The following SERINC5 variants were observed in gnomAD, a reference collection of about 807,000 sequenced individuals.
The protein encoded by SERINC5 is serine incorporator 5, also known as chromosome 5 open reading frame 12.
Under a neutral mutation model 63.1 loss-of-function variants are expected in SERINC5, and 41 were observed. The ratio of observed to expected loss-of-function variants is 0.65; its 90% confidence interval spans 0.51 to 0.84. The LOEUF is 0.84. Ranked by LOEUF, SERINC5 falls within the 40% of genes least tolerant of loss-of-function variation. The pLI, the probability that SERINC5 is intolerant of heterozygous loss-of-function variation, is 0.00. For missense variants in SERINC5, 523 were observed against 573.0 expected, an observed-to-expected ratio of 0.91 and a Z score of 0.89; for synonymous variants, 222 against 215.2, an observed-to-expected ratio of 1.03 and a Z score of -0.28.
intron 1 of SERINC5, among the ~76,000 whole-genome samples, chr5:80,216,798 T>C (rs7710267): frequency 0.19 from 28,607 of 151,808 alleles, 3,377 homozygotes; most frequent in African/African-American, 0.33. Flanking sequence ...ATCGCTTGAG[T>C]CCAGGAGTTT....
intron 6 of SERINC5, among the ~76,000 whole-genome samples, chr5:80,167,539 G>A (rs1747381567): frequency 6.6e-6 from 1 of 152,112 alleles, no homozygotes; most frequent in Non-Finnish European, 1.5e-5. Flanking sequence ...GTGAATGCCT[G>A]TGTCTTTATG....
In SERINC5 at chr5:80,158,976, A is replaced by C; in HGVS notation, c.860-14T>G. The stretch of plus-strand genomic sequence containing the variant: ...GTTCATCTAGAACTTGAAAAGAAAA[A>C]ACAAAGTCATCACAGTCAAGTACAA... On this transcript the variant is annotated splice_polypyrimidine_tract_variant and intron_variant, in intron 7 of 11. Transcript: ENST00000507668. The C allele has an allele frequency of 6.2e-7, 1 of 1,613,114 alleles. No individual in the cohort carries two copies. Among genetic ancestry groups the C allele is most frequent in the Non-Finnish European group, 8.5e-7 (1 of 1,179,728 alleles).
chr5:80,205,275 C>T (rs536577864), intron 1 of SERINC5, among the ~76,000 whole-genome samples: 6 of 152,346 alleles, frequency 3.9e-5, no homozygotes, highest in African/African-American at 1.4e-4. Context: ...ACTCCAACTT[C>T]ACCCTTGTGT....
intron 1 of SERINC5, among the ~76,000 whole-genome samples, chr5:80,218,279 G>A (rs1403882520): frequency 2.6e-5 from 4 of 152,190 alleles, no homozygotes; most frequent in Admixed American, 6.5e-5. Flanking sequence ...AGTGGCTCAC[G>A]CCTGTAATCC....
At chr5:80,187,376 C>T (rs994691119) in intron 2 of SERINC5, among the ~76,000 whole-genome samples, 3 of 152,118 alleles carry the variant, frequency 2.0e-5, no homozygotes, top group Admixed American at 6.6e-5. Flanking sequence ...CCCAGTCTGC[C>T]TTTCCCTTTT....
At position 80,141,500 on chromosome 5, in the gene SERINC5, C is replaced by CCT; in HGVS notation, c.*2162_*2163insAG. ...CACACCAGCTGGCAGCCAGACCCAG[C>CCT]CGAGAGGACAAAGCAAGGGCTCTGC... is the stretch of plus-strand genomic sequence containing the variant. On this transcript the variant is annotated 3_prime_UTR_variant, in exon 12 of 12. Transcript: ENST00000507668. 2 of 985,556 alleles carry CCT rather than the reference C, an allele frequency of 2.0e-6. No homozygotes were observed. Among genetic ancestry groups the CCT allele is most frequent in the Non-Finnish European group, 2.4e-6 (2 of 830,036 alleles). The allele number at this position is 985,556 out of a possible 1,614,324, so 61.1% of individuals were successfully genotyped here.
chr5:80,150,820 A>G lies in SERINC5; in HGVS notation c.1053+62T>C, dbSNP rs547757256. ...AGACTGATAAAGACACAAACACAAA[A>G]GGCCCTCCTGAGAAATGGATCTTCT... On this transcript the variant is annotated intron_variant, in intron 9 of 11. Transcript: ENST00000507668. The G allele has an allele frequency of 2.2e-5, 25 of 1,128,532 alleles. 1 individual carries two copies. The African/African-American group carries it at 3.7e-4, about 17-fold the overall frequency. 69.9% of individuals were successfully genotyped at this position (1,128,532 alleles called of 1,614,324 possible). A position where few individuals can be genotyped will look rare whatever the true frequency, so the allele number is the denominator to read the frequency against.
rs1047811885 is a variant in SERINC5 at position 80,140,667 on chromosome 5, A to G, written c.*2996T>C. The G allele has an allele frequency of 1.0e-6, 1 of 985,198 alleles. No homozygotes were observed. The highest frequency in any genetic ancestry group is 1.7e-5 in the African/African-American group (1 of 57,210). The allele number at this position is 985,198 out of a possible 1,614,324, so 61.0% of individuals were successfully genotyped here. A position where few individuals can be genotyped will look rare whatever the true frequency, so the allele number is the denominator to read the frequency against. On this transcript the variant is annotated 3_prime_UTR_variant, in exon 12 of 12. Transcript: ENST00000507668. ...GGGTTTCTGAAGGCTTATAATGGAA[A>G]TAGTCTCTAGTCTCCAGTCAGGTAA...
chr5:80,161,462 T>G (rs1452988174), intron 7 of SERINC5, among the ~76,000 whole-genome samples: 1 of 152,208 alleles, frequency 6.6e-6, no homozygotes, highest in Admixed American at 6.5e-5. Context: ...TGTTGAGCAT[T>G]TTTTTCAAAT....
intron 7 of SERINC5, among the ~76,000 whole-genome samples, chr5:80,161,040 A>G (rs1440316990): frequency 7.5e-6 from 1 of 132,556 alleles, no homozygotes; most frequent in African/African-American, 3.3e-5. Flanking sequence ...ACACGTGTAT[A>G]TATATATATG....
At chr5:80,204,986 G>A (rs35696683) in intron 1 of SERINC5, among the ~76,000 whole-genome samples, 20,172 of 152,190 alleles carry the variant, frequency 0.13, 1,834 homozygotes, top group Non-Finnish European at 0.19. Context: ...GCACATACAC[G>A]GTGGGCTCCG....
chr5:80,188,616 T>G (rs1294298302), intron 2 of SERINC5, among the ~76,000 whole-genome samples: 1 of 152,090 alleles, frequency 6.6e-6, no homozygotes, highest in Non-Finnish European at 1.5e-5. Context: ...CTGGGCCCAG[T>G]GGCCCACACC....
intron 2 of SERINC5, chr5:80,198,401 C>G: frequency 5.5e-6 from 2 of 364,836 alleles, no homozygotes; most frequent in South Asian, 1.1e-4. Flanking sequence ...TTGCAGTCCC[C>G]TCTTACTCAA....
rs1428149048 is a variant in SERINC5, at chr5:80,177,308, T to G, written c.457+7A>C. The stretch of plus-strand genomic sequence containing the variant: ...ATAAACAGATACCCAAAATACCCCA[T>G]TAGTACCGTTCAGAAAGGTGTCCTG... On this transcript the variant is annotated splice_region_variant and intron_variant, in intron 4 of 11. Coordinates refer to ENST00000507668, the MANE Select transcript of SERINC5 (RefSeq NM_001174072.3). 3 of 1,603,236 alleles carry G rather than the reference T, an allele frequency of 1.9e-6. No individual in the cohort carries two copies. The highest frequency in any genetic ancestry group is 2.6e-6 in the Non-Finnish European group (3 of 1,170,254).
intron 5 of SERINC5, among the ~76,000 whole-genome samples, chr5:80,170,237 A>T (rs892709619): frequency 2.6e-5 from 4 of 152,368 alleles, no homozygotes; most frequent in African/African-American, 9.6e-5. Context: ...GAAATGTAAC[A>T]GACTGCAATT....
At chr5:80,239,329 A>AT (rs1225643019) in intron 1 of SERINC5, among the ~76,000 whole-genome samples, 5 of 152,232 alleles carry the variant, frequency 3.3e-5, no homozygotes, top group Non-Finnish European at 5.9e-5. Flanking sequence ...CCTGACCATT[A>AT]TCCTTAAAAA....
At chr5:80,193,105 C>A (rs1037845482) in intron 2 of SERINC5, among the ~76,000 whole-genome samples, 6 of 152,184 alleles carry the variant, frequency 3.9e-5, no homozygotes, top group African/African-American at 1.4e-4. Flanking sequence ...TCGCCACTTG[C>A]ATCTGAAAGA....
At chr5:80,175,363 T>C (rs1357714263) in intron 4 of SERINC5, among the ~76,000 whole-genome samples, 1 of 152,136 alleles carries the variant, frequency 6.6e-6, no homozygotes, top group Non-Finnish European at 1.5e-5. Flanking sequence ...CCCTAATTCA[T>C]AAAATCCATA....
rs1554064063 is a variant in SERINC5 at position 80,174,404 on chromosome 5, A to ATAAT, written c.551+549_551+550insATTA. Among the ~76,000 whole-genome samples, 741 of 145,984 alleles carry ATAAT rather than the reference A, an allele frequency of 5.1e-3. 2 individuals are homozygous for ATAAT. Among genetic ancestry groups the ATAAT allele is most frequent in the Middle Eastern group, 0.011 (3 of 280 alleles). On this transcript the variant is annotated intron_variant, in intron 5 of 11. Transcript: ENST00000507668. ...AATAATAATAATAATAATAATAATA[A>ATAAT]AAGAAAAAGAAAACAAAAGGGTACT...
Sources: allele counts gnomAD v4.1 joint callset (sites outside exome capture counted in the v4.1 genomes callset), GRCh38; gene constraint gnomAD v4.1.1; transcripts MANE v1.5; gene names NCBI Gene and HGNC (gene_info 2026-07-23, HGNC 2026-07-21).